Variants in FAM229B observed in about 807,000 individuals in gnomAD.
The protein encoded by FAM229B is protein FAM229B.
A neutral mutation model predicts 6.7 loss-of-function variants in FAM229B; 2 were observed. The observed-to-expected ratio is 0.30, with a 90% CI of 0.12 to 0.94. The LOEUF (loss-of-function observed/expected upper bound fraction) is 0.94, where lower values mean the gene tolerates loss of function less well. Ranked by LOEUF, FAM229B falls within the 40% of genes least tolerant of loss-of-function variation. FAM229B has a pLI of 0.54. For synonymous variants in FAM229B, 29 were observed against 34.0 expected, an observed-to-expected ratio of 0.85 and a Z score of 0.51; for missense variants, 93 against 96.2, an observed-to-expected ratio of 0.97 and a Z score of 0.14.
At position 112,097,440 on chromosome 6, in the gene FAM229B, T is replaced by C. The variant is rs117751312; in HGVS notation, c.-15+239T>C. 9.7e-4 allele frequency among the ~76,000 whole-genome samples: 148 copies of C among 152,336 alleles called. 1 individual carries two copies. The East Asian group carries it at 0.024, about 25-fold the overall frequency. ...TAGGCATAGAATACTGTACTAGGCA[T>C]AAGAAATAGTTGCACCATTTTAAAT... On this transcript the variant is annotated intron_variant, in intron 2 of 3. Coordinates refer to ENST00000368656, the MANE Select transcript of FAM229B (RefSeq NM_001033564.3).
intron 1 of FAM229B, among the ~76,000 whole-genome samples, chr6:112,092,837 G>T (rs1554318288): frequency 6.6e-6 from 1 of 151,772 alleles, no homozygotes; most frequent in Non-Finnish European, 1.5e-5. Flanking sequence ...AGTGAACTAT[G>T]AAAAGTTAAA....
chr6:112,094,085 A>G (rs1420629139), intron 1 of FAM229B, among the ~76,000 whole-genome samples: 1 of 152,150 alleles, frequency 6.6e-6, no homozygotes, highest in African/African-American at 2.4e-5. Context: ...ATAGAATTAA[A>G]TGTTTACATT....
intron 1 of FAM229B, among the ~76,000 whole-genome samples, chr6:112,087,950 A>G (rs1197457019): frequency 6.6e-6 from 1 of 152,226 alleles, no homozygotes; most frequent in Non-Finnish European, 1.5e-5. Context: ...TAGTCATGTC[A>G]GGGCACAATT....
chr6:112,096,574 G>T (rs1272904307), intron 1 of FAM229B, among the ~76,000 whole-genome samples: 7 of 152,008 alleles, frequency 4.6e-5, no homozygotes, highest in African/African-American at 1.7e-4. Flanking sequence ...CAACAAAAAA[G>T]ATGTATTCTT....
intron 1 of FAM229B, among the ~76,000 whole-genome samples, chr6:112,093,297 G>T (rs1777281333): frequency 6.6e-6 from 1 of 152,006 alleles, no homozygotes; most frequent in Admixed American, 6.6e-5. Context: ...ATTTCATAAT[G>T]ATAAAGGTGT....
intron 1 of FAM229B, among the ~76,000 whole-genome samples, chr6:112,093,237 A>G (rs1421510100): frequency 1.3e-5 from 2 of 152,018 alleles, no homozygotes; most frequent in African/African-American, 2.4e-5. Flanking sequence ...AATGAAAAGT[A>G]TCTATACAAG....
chr6:112,087,770 C>T (rs1554317681), intron 1 of FAM229B, 50 bp downstream of exon 1: 2 of 330,168 alleles, frequency 6.1e-6, no homozygotes, highest in Non-Finnish European at 1.1e-5. Flanking sequence ...TTAAGCTGTT[C>T]GTGGGCTATC....
At chr6:112,097,612 AACATTGTGTACTAATAGTTGAAT>A (rs1777344152) in intron 2 of FAM229B, among the ~76,000 whole-genome samples, 2 of 150,472 alleles carry the variant, frequency 1.3e-5, no homozygotes, top group Non-Finnish European at 3.0e-5. Context: ...AATAGTTGAA[AACATTGTGTACTAATAGTTGAAT>A]ACATTGTGTA....
At chr6:112,096,523 T>C (rs1777327998) in intron 1 of FAM229B, among the ~76,000 whole-genome samples, 2 of 152,092 alleles carry the variant, frequency 1.3e-5, no homozygotes, top group Admixed American at 1.3e-4. Flanking sequence ...ACCACTGCAC[T>C]CCAGCCTGGG....
chr6:112,098,624 C>T (rs587663483), intron 2 of FAM229B, among the ~76,000 whole-genome samples: 21 of 152,300 alleles, frequency 1.4e-4, no homozygotes, highest in Non-Finnish European at 2.9e-4. Flanking sequence ...AGGGACTATA[C>T]TGTGACTATA....
chr6:112,095,606 A>G, intron 1 of FAM229B, among the ~76,000 whole-genome samples: 1 of 133,322 alleles, frequency 7.5e-6, no homozygotes, highest in Non-Finnish European at 1.6e-5. Flanking sequence ...ACTGCACTCC[A>G]GCCTGGATGA....
chr6:112,096,472 T>C (rs1274748145), intron 1 of FAM229B, among the ~76,000 whole-genome samples: 2 of 140,716 alleles, frequency 1.4e-5, no homozygotes, highest in Non-Finnish European at 3.2e-5. Context: ...AGGAGAGTGG[T>C]GTGAACAGGT....
chr6:112,090,805 T>C (rs2114501446), intron 1 of FAM229B, among the ~76,000 whole-genome samples: 1 of 152,302 alleles, frequency 6.6e-6, no homozygotes, highest in East Asian at 1.9e-4. Flanking sequence ...GTGGAATGAT[T>C]AAATCAATCT....
At chr6:112,091,720 G>C (rs184156350) in intron 1 of FAM229B, among the ~76,000 whole-genome samples, 2 of 152,238 alleles carry the variant, frequency 1.3e-5, no homozygotes, top group Admixed American at 6.5e-5. Context: ...GCAAAGATGA[G>C]TCCCATAATG....
intron 1 of FAM229B, among the ~76,000 whole-genome samples, chr6:112,096,578 T>A (rs1054095863): frequency 1.3e-5 from 2 of 152,054 alleles, no homozygotes; most frequent in South Asian, 4.2e-4. Flanking sequence ...AAAAAAGATG[T>A]ATTCTTCCTT....
chr6:112,092,246 T>C (rs1356981137), intron 1 of FAM229B, among the ~76,000 whole-genome samples: 2 of 151,932 alleles, frequency 1.3e-5, no homozygotes, highest in Admixed American at 1.3e-4. Context: ...AAAGAAACTA[T>C]GCCAAGTACA....
chr6:112,095,451 G>C (rs1343247539), intron 1 of FAM229B, among the ~76,000 whole-genome samples: 1 of 151,610 alleles, frequency 6.6e-6, no homozygotes, highest in Non-Finnish European at 1.5e-5. Flanking sequence ...GAGCAGCATG[G>C]TAAAACCCTC....
In FAM229B at chr6:112,090,145, G is replaced by A. The variant is rs117187461; in HGVS notation, c.-176+2425G>A. Among the ~76,000 whole-genome samples, 143 of 152,332 alleles carry A rather than the reference G, an allele frequency of 9.4e-4. 1 individual carries two copies. In the East Asian group the frequency reaches 0.025, roughly 26 times the overall value. On this transcript the variant is annotated intron_variant, in intron 1 of 3. Coordinates refer to ENST00000368656, the MANE Select transcript of FAM229B (RefSeq NM_001033564.3). ...TTCTGAAGGGGAATAAAATGTTTTAGAAGAAAATTATTCTGTAGCTTTTGT... is the reference window on the plus strand; with the variant it reads ...TTCTGAAGGGGAATAAAATGTTTTAAAAGAAAATTATTCTGTAGCTTTTGT...
At chr6:112,098,294 G>C (rs587690548) in intron 2 of FAM229B, among the ~76,000 whole-genome samples, 25 of 152,258 alleles carry the variant, frequency 1.6e-4, no homozygotes, top group African/African-American at 5.8e-4. Context: ...GTGGGAGCAG[G>C]GGGTAGGGAA....
Sources: allele counts gnomAD v4.1 joint callset (sites outside exome capture counted in the v4.1 genomes callset), GRCh38; gene constraint gnomAD v4.1.1; transcripts MANE v1.5; gene names NCBI Gene and HGNC (gene_info 2026-07-23, HGNC 2026-07-21).